The following CFAP61 variants were observed in gnomAD, a reference collection of about 807,000 sequenced individuals.
CFAP61 encodes the protein cilia- and flagella-associated protein 61.
Under a neutral mutation model 135.6 loss-of-function variants are expected in CFAP61, and 107 were observed. That is an observed-to-expected ratio of 0.79 (90% CI 0.67 to 0.93). CFAP61 has a LOEUF of 0.93. CFAP61 is among the 40% of genes least tolerant of loss of function. CFAP61 has a pLI of 0.00. For synonymous variants in CFAP61, 575 were observed against 578.5 expected (o/e 0.99, Z 0.09); for missense variants, 1,507 against 1,556.2 (o/e 0.97, Z 0.53).
chr20:20,281,764 T>C (rs1037912418), intron 22 of CFAP61, among the ~76,000 whole-genome samples: 1 of 152,222 alleles, frequency 6.6e-6, no homozygotes, highest in Admixed American at 6.5e-5. Flanking sequence ...TCGAGCTGTG[T>C]TGGCCTTATA....
rs370919531 is a variant in CFAP61 at position 20,330,586 on chromosome 20, C to T, written c.3423-11245C>T. 2.9e-4 allele frequency among the ~76,000 whole-genome samples: 44 copies of T among 152,280 alleles called. No individual in the cohort carries two copies. The South Asian group carries it at 8.9e-3, about 31-fold the overall frequency. On this transcript the variant is annotated intron_variant, in intron 25 of 26. Coordinates refer to ENST00000245957, the MANE Select transcript of CFAP61 (RefSeq NM_015585.4). ...TCCTGACCTCAAGTGATCCGCCTGC[C>T]TCAGCCACCCAAAGTGCTAGTATTA...
intron 25 of CFAP61, among the ~76,000 whole-genome samples, chr20:20,307,234 A>G (rs983809308): frequency 1.1e-4 from 16 of 152,198 alleles, no homozygotes; most frequent in Non-Finnish European, 2.4e-4. Context: ...ACTAAGACCA[A>G]CAGAGGGGTC....
At chr20:20,083,761 A>C (rs1192671870) in intron 6 of CFAP61, among the ~76,000 whole-genome samples, 2 of 152,212 alleles carry the variant, frequency 1.3e-5, no homozygotes, top group African/African-American at 2.4e-5. Flanking sequence ...AGTGACCACC[A>C]AGTCTATGGT....
chr20:20,056,729 T>C lies in CFAP61; in HGVS notation c.76T>C (p.Cys26Arg), dbSNP rs142975667. 8.6e-5 allele frequency: 139 copies of C among 1,613,978 alleles called. 1 individual carries two copies. The highest frequency in any genetic ancestry group is 1.1e-4 in the Non-Finnish European group (133 of 1,179,932). ...CRRTESQDVY[C>R]IKSLIRKFTC... ...AAGAACAGAATCACAGGATGTTTAT[T>C]GTATCAAAAGCCTTATTAGAAAATT... The change falls in exon 2 of 27, where the codon TGT (cysteine) becomes CGT (arginine). Residue 26 changes from cysteine (C) to arginine (R), a missense_variant. Transcript: ENST00000245957.
rs781496445 is a variant in CFAP61, at chr20:20,142,908, T to C, written c.911T>C (p.Leu304Ser). 1.2e-6 allele frequency: 2 copies of C among 1,602,420 alleles called. No individual in the cohort carries two copies. The highest frequency in any genetic ancestry group is 1.7e-6 in the Non-Finnish European group (2 of 1,173,700). The change falls in exon 9 of 27, where the codon TTG becomes TCG. Residue 304 changes from leucine to serine, a missense_variant. Physicochemically the swap from Leu to Ser is moderately radical, Grantham distance 145. Transcript: ENST00000245957. The part of the protein sequence containing the change: ...SQGSQKIVEE[L>S]QEPVSPDTME... ...GGTTCCCAAAAAATAGTCGAGGAGT[T>C]GCAGGAACCTGTCTCTCCAGATACC...
intron 1 of CFAP61, among the ~76,000 whole-genome samples, chr20:20,055,680 TTATGA>T (rs2044263683): frequency 6.6e-6 from 1 of 152,270 alleles, no homozygotes; most frequent in African/African-American, 2.4e-5. Context: ...TAGCATTAGT[TTATGA>T]TATGTTTCAC....
intron 9 of CFAP61, among the ~76,000 whole-genome samples, chr20:20,155,976 T>C (rs2052871660): frequency 6.6e-6 from 1 of 152,170 alleles, no homozygotes; most frequent in East Asian, 1.9e-4. Flanking sequence ...ACAAGCATGT[T>C]TATAACAGCA....
intron 18 of CFAP61, among the ~76,000 whole-genome samples, chr20:20,239,918 G>A (rs1254269146): frequency 6.6e-6 from 1 of 152,070 alleles, no homozygotes; most frequent in East Asian, 1.9e-4. Context: ...TGTGTTATAG[G>A]AGGGGAGGGT....
At position 20,291,811 on chromosome 20, in the gene CFAP61, C is replaced by A. The variant is rs1253065973; in HGVS notation, c.3216+1420C>A. Among the ~76,000 whole-genome samples the A allele has an allele frequency of 3.9e-5, 6 of 152,340 alleles. No homozygotes were observed. The East Asian group carries it at 7.7e-4, about 20-fold the overall frequency. On this transcript the variant is annotated intron_variant, in intron 24 of 26. Transcript: ENST00000245957. Reference sequence around the variant, plus strand: ...AATAAGATTCTCTGACCCATAGTCCCAGCCCGGTGTGTGTTGTCATCTGGG... The same window carrying A: ...AATAAGATTCTCTGACCCATAGTCCAAGCCCGGTGTGTGTTGTCATCTGGG...
At chr20:20,167,995 T>C (rs2064178564) in intron 12 of CFAP61, among the ~76,000 whole-genome samples, 1 of 152,162 alleles carries the variant, frequency 6.6e-6, no homozygotes, top group Admixed American at 6.5e-5. Context: ...CATTGGTAAT[T>C]CTGAATGTTC....
chr20:20,306,107 A>G (rs991931895), intron 25 of CFAP61, among the ~76,000 whole-genome samples: 4 of 152,166 alleles, frequency 2.6e-5, no homozygotes, highest in East Asian at 1.9e-4. Flanking sequence ...TCTTTCCACT[A>G]TGGCATTTGT....
At chr20:20,082,865 G>T (rs2046525908) in intron 6 of CFAP61, among the ~76,000 whole-genome samples, 1 of 152,100 alleles carries the variant, frequency 6.6e-6, no homozygotes, top group South Asian at 2.1e-4. Context: ...TGGATGTGGT[G>T]AAAAAGAACA....
chr20:20,246,998 G>A (rs951371752), intron 19 of CFAP61, among the ~76,000 whole-genome samples: 2 of 152,102 alleles, frequency 1.3e-5, no homozygotes, highest in African/African-American at 4.8e-5. Flanking sequence ...TTTTTTTGAA[G>A]GATGTCCTTA....
At chr20:20,124,262 C>T (rs1166810168) in intron 8 of CFAP61, among the ~76,000 whole-genome samples, 1 of 151,624 alleles carries the variant, frequency 6.6e-6, no homozygotes, top group African/African-American at 2.4e-5. Flanking sequence ...CTGGTTAGGA[C>T]TTCCAGTGCT....
At chr20:20,117,035 C>G (rs1044401504) in intron 8 of CFAP61, among the ~76,000 whole-genome samples, 3 of 152,160 alleles carry the variant, frequency 2.0e-5, no homozygotes, top group Admixed American at 6.6e-5. Flanking sequence ...CCTTTCCCCG[C>G]TTTGTTATTG....
intron 25 of CFAP61, among the ~76,000 whole-genome samples, chr20:20,316,383 T>G (rs2057140791): frequency 6.6e-6 from 1 of 151,852 alleles, no homozygotes; most frequent in African/African-American, 2.4e-5. Context: ...TTTTGTACAT[T>G]GATTTTGTAT....
chr20:20,065,678 C>T (rs997591946), intron 2 of CFAP61, among the ~76,000 whole-genome samples: 5 of 150,814 alleles, frequency 3.3e-5, no homozygotes, highest in Non-Finnish European at 7.4e-5. Flanking sequence ...TATTGACTGC[C>T]TGTTCAGTTA....
rs28620227 is a variant in CFAP61, at chr20:20,359,693, A to C, written c.3514-517A>C. Among the ~76,000 whole-genome samples, 5 of 151,954 alleles carry C rather than the reference A, an allele frequency of 3.3e-5. No homozygotes were observed. Among genetic ancestry groups the C allele is most frequent in the African/African-American group, 1.2e-4 (5 of 41,298 alleles). Reference sequence around the variant, plus strand: ...AAGCAAAAAACAAAACAACAACAACAACAAAACAAGTATGATCTACAGATG... The same window carrying C: ...AAGCAAAAAACAAAACAACAACAACCACAAAACAAGTATGATCTACAGATG... On this transcript the variant is annotated intron_variant, in intron 26 of 26. Transcript: ENST00000245957. This position sits in a 1 kb window ranked among gnomAD's most constrained non-coding sequence, Gnocchi z 4.0.
intron 8 of CFAP61, among the ~76,000 whole-genome samples, chr20:20,119,412 A>G (rs2049435055): frequency 6.6e-6 from 1 of 152,132 alleles, no homozygotes; most frequent in Non-Finnish European, 1.5e-5. Flanking sequence ...GTAATTGTTC[A>G]TAATATTCTC....
Sources: allele counts gnomAD v4.1 joint callset (sites outside exome capture counted in the v4.1 genomes callset), GRCh38; gene constraint gnomAD v4.1.1; non-coding constraint Gnocchi (gnomAD v3.1); transcripts MANE v1.5; gene names NCBI Gene and HGNC (gene_info 2026-07-23, HGNC 2026-07-21).